NTM: variants seen among roughly 807,000 people sequenced by gnomAD.
NTM encodes neurotrimin.
NTM carries 13 observed loss-of-function variants against 42.1 expected under a neutral mutation model. The observed-to-expected ratio is 0.31, with a 90% CI of 0.20 to 0.49. The LOEUF is 0.49. Among genes scored for constraint, NTM ranks in the 20% least tolerant of loss-of-function variants. The pLI, the probability that NTM is intolerant of heterozygous loss-of-function variation, is 0.99. For missense variants in NTM, 373 were observed against 452.8 expected (o/e 0.82, Z 1.60); for synonymous variants, 187 against 179.2 (o/e 1.04, Z -0.35).
At chr11:131,612,147 C>T (rs1437250850) in intron 1 of NTM, among the ~76,000 whole-genome samples, 1 of 152,216 alleles carries the variant, frequency 6.6e-6, no homozygotes, top group Non-Finnish European at 1.5e-5. Flanking sequence ...TCATCACCAG[C>T]ACTGATTTGC....
chr11:131,892,068 G>A (rs1258547978), intron 1 of NTM, among the ~76,000 whole-genome samples: 3 of 152,050 alleles, frequency 2.0e-5, no homozygotes, highest in Admixed American at 1.3e-4. Context: ...TTGAAACCAA[G>A]GTCTTCCACA....
intron 1 of NTM, among the ~76,000 whole-genome samples, chr11:131,667,312 G>A (rs940197816): frequency 6.6e-6 from 1 of 152,076 alleles, no homozygotes; most frequent in Non-Finnish European, 1.5e-5. Context: ...TACTCCTTCT[G>A]CCTAGAAAGC....
intron 1 of NTM, among the ~76,000 whole-genome samples, chr11:131,621,826 A>G (rs943598711): frequency 3.1e-5 from 1 of 32,266 alleles, no homozygotes; most frequent in African/African-American, 2.1e-4. Context: ...CAACTCAAAG[A>G]AAAAAAAAAA....
At chr11:131,863,232 G>T (rs1168879052) in intron 1 of NTM, among the ~76,000 whole-genome samples, 1 of 152,192 alleles carries the variant, frequency 6.6e-6, no homozygotes, top group Non-Finnish European at 1.5e-5. Context: ...GAAGCCCTGG[G>T]CATTTCACCT....
At chr11:131,837,757 C>T (rs978254470) in intron 1 of NTM, among the ~76,000 whole-genome samples, 3 of 151,856 alleles carry the variant, frequency 2.0e-5, no homozygotes, top group Admixed American at 6.6e-5. Context: ...CTGCCTGCCG[C>T]GATGCCAGGC....
At chr11:132,022,170 G>A (rs1333694078) in intron 2 of NTM, among the ~76,000 whole-genome samples, 1 of 152,158 alleles carries the variant, frequency 6.6e-6, no homozygotes, top group Non-Finnish European at 1.5e-5. Context: ...AGCTGGGGCT[G>A]GAGTCAGAAT....
At chr11:131,672,298 G>A (rs973435486) in intron 1 of NTM, among the ~76,000 whole-genome samples, 3 of 152,190 alleles carry the variant, frequency 2.0e-5, no homozygotes, top group African/African-American at 4.8e-5. Context: ...GGATGCCAGC[G>A]AGCCAGGCTT....
intron 1 of NTM, among the ~76,000 whole-genome samples, chr11:131,727,476 C>T (rs780501795): frequency 2.6e-5 from 4 of 152,242 alleles, no homozygotes; most frequent in Middle Eastern, 3.4e-3. Context: ...TTGTGAGAGC[C>T]GCTTCCTGCA....
At chr11:131,500,518 G>T in intron 1 of NTM, among the ~76,000 whole-genome samples, 1 of 143,834 alleles carries the variant, frequency 7.0e-6, no homozygotes, top group Admixed American at 7.1e-5. Flanking sequence ...GAAGTCATTT[G>T]CTTCAGACCC....
chr11:132,300,911 T>C (rs1261971174), intron 4 of NTM, among the ~76,000 whole-genome samples: 2 of 152,124 alleles, frequency 1.3e-5, no homozygotes, highest in Non-Finnish European at 2.9e-5. Flanking sequence ...TTGAGCCTTA[T>C]TGTTCTATGC....
At chr11:132,268,159 TATGTA>T (rs1284047377) in intron 4 of NTM, among the ~76,000 whole-genome samples, 3 of 152,300 alleles carry the variant, frequency 2.0e-5, no homozygotes, top group Non-Finnish European at 2.9e-5. Context: ...GAGCAAGAGT[TATGTA>T]AAACTTTCTC....
chr11:131,982,035 A>C (rs1396340623), intron 2 of NTM, among the ~76,000 whole-genome samples: 1 of 152,058 alleles, frequency 6.6e-6, no homozygotes, highest in Non-Finnish European at 1.5e-5. Flanking sequence ...AAAAGGAGAG[A>C]AAACAAGCAA....
chr11:131,798,308 T>C (rs1555133802), intron 1 of NTM, among the ~76,000 whole-genome samples: 1 of 152,192 alleles, frequency 6.6e-6, no homozygotes, highest in Non-Finnish European at 1.5e-5. Context: ...AGCCGAGAAC[T>C]GGCACAGTGC....
chr11:131,779,377 A>T (rs1241692091), intron 1 of NTM, among the ~76,000 whole-genome samples: 1 of 152,186 alleles, frequency 6.6e-6, no homozygotes, highest in African/African-American at 2.4e-5. Context: ...GCTGTAGAAA[A>T]CTAATATAAC....
intron 1 of NTM, among the ~76,000 whole-genome samples, chr11:131,798,738 T>A (rs181059491): frequency 1.3e-3 from 202 of 152,338 alleles, no homozygotes; most frequent in African/African-American, 3.7e-3. Context: ...GCAACTCTAT[T>A]GATTCAGAGA....
rs2058398563 is a variant in NTM, at chr11:131,581,395, GA to G, written c.82+210508del. Among the ~76,000 whole-genome samples the G allele has an allele frequency of 4.6e-5, 7 of 152,232 alleles. No individual in the cohort carries two copies. In the South Asian group the frequency reaches 1.4e-3, roughly 32 times the overall value. On this transcript the variant is annotated intron_variant, in intron 1 of 8. Coordinates refer to ENST00000683400, the MANE Select transcript of NTM (RefSeq NM_001352005.2). ...AGAGGGAGGAAGTCTAACAGAGTCA[GA>G]TGACGAAATTACAACGAATTTAGTT...
intron 2 of NTM, among the ~76,000 whole-genome samples, chr11:131,976,836 A>G (rs1013491184): frequency 6.6e-6 from 1 of 152,200 alleles, no homozygotes; most frequent in Non-Finnish European, 1.5e-5. Context: ...CACAGCCCTC[A>G]TTTCCATAAT....
intron 2 of NTM, among the ~76,000 whole-genome samples, chr11:132,044,048 G>A (rs1362216067): frequency 1.4e-5 from 2 of 142,786 alleles, no homozygotes; most frequent in South Asian, 2.2e-4. Flanking sequence ...ATGTGTATGG[G>A]TATGTGTGTA....
chr11:131,931,312 G>A lies in NTM; in HGVS notation c.167+19664G>A, dbSNP rs547494920. Among the ~76,000 whole-genome samples the A allele has an allele frequency of 3.2e-3, 491 of 152,002 alleles. 3 individuals are homozygous for A. The highest frequency in any genetic ancestry group is 0.011 in the African/African-American group (473 of 41,466). ...AAATTAGCTGGGCATGGTGGTATGC[G>A]CTTGTGGTCCCAGCTACTGGAGAGG... On this transcript the variant is annotated intron_variant, in intron 2 of 8. Coordinates refer to ENST00000683400, the MANE Select transcript of NTM (RefSeq NM_001352005.2).
Sources: allele counts gnomAD v4.1 joint callset (sites outside exome capture counted in the v4.1 genomes callset), GRCh38; gene constraint gnomAD v4.1.1; transcripts MANE v1.5; gene names NCBI Gene and HGNC (gene_info 2026-07-23, HGNC 2026-07-21).